The following DST variants were observed in gnomAD, a reference collection of about 807,000 sequenced individuals.
The protein encoded by DST is dystonin.
DST carries 253 observed loss-of-function variants against 875.2 expected under a neutral mutation model. That is an observed-to-expected ratio of 0.29 (90% CI 0.26 to 0.32). The LOEUF is 0.32. DST is among the 10% of genes least tolerant of loss of function. DST has a pLI of 1.00. For synonymous variants in DST, 3,124 were observed against 3,197.1 expected (o/e 0.98, Z 0.77); for missense variants, 8,287 against 9,111.6 (o/e 0.91, Z 3.68).
At chr6:56,887,737 A>G (rs527405850) in intron 3 of DST, among the ~76,000 whole-genome samples, 4 of 152,286 alleles carry the variant, frequency 2.6e-5, no homozygotes, top group African/African-American at 9.6e-5. Context: ...ACTGACCTCA[A>G]AAAAGAATCA....
chr6:56,881,101 G>A (rs991571020), intron 3 of DST, among the ~76,000 whole-genome samples: 3 of 151,562 alleles, frequency 2.0e-5, no homozygotes, highest in East Asian at 2.0e-4. Context: ...CACCCGCCTC[G>A]GTCTCCCGAA....
chr6:56,514,595 A>G (rs1407410554), intron 72 of DST, among the ~76,000 whole-genome samples: 2 of 126,686 alleles, frequency 1.6e-5, no homozygotes, highest in African/African-American at 5.6e-5. Context: ...ACACACACAC[A>G]CACACACACA....
rs776856701 is a variant in DST at position 56,482,762 on chromosome 6, T to C, written c.21323A>G (p.Gln7108Arg). Residue 7108 changes from glutamine to arginine, a missense_variant, in exon 89 of 104, where the codon CAG (glutamine) becomes CGG (arginine). Gln to Arg is a conservative substitution (Grantham distance 43). Around this residue, in one of 10 missense-constraint regions of DST, gnomAD observed 1,292 missense variants for 1,552.7 expected, o/e 0.83. Transcript: ENST00000680361. ...GGTCTCCCAGCGTGTGCTTAATTCCTGCATCTGGACCTTGACCCAGGAGGA... is the reference window on the plus strand; with the variant it reads ...GGTCTCCCAGCGTGTGCTTAATTCCCGCATCTGGACCTTGACCCAGGAGGA... Reference protein sequence around the residue: ...DDSSWVKVQMQELSTRWETVC... With the variant: ...DDSSWVKVQMRELSTRWETVC... 6.2e-7 allele frequency: 1 copy of C among 1,613,946 alleles called. No homozygotes were observed. The highest frequency in any genetic ancestry group is 1.7e-5 in the Admixed American group (1 of 60,016).
intron 5 of DST, among the ~76,000 whole-genome samples, chr6:56,709,426 CTGTT>C (rs1183916370): frequency 1.1e-4 from 16 of 152,274 alleles, no homozygotes; most frequent in Admixed American, 9.8e-4. Flanking sequence ...TAACCTATAA[CTGTT>C]TGGTTTTATA....
intron 4 of DST, among the ~76,000 whole-genome samples, chr6:56,764,151 G>A (rs1589840001): frequency 1.3e-5 from 2 of 149,650 alleles, no homozygotes; most frequent in South Asian, 4.2e-4. Context: ...GCCTCTGGAA[G>A]AGACATCAAC....
At chr6:56,782,881 A>T (rs1318638662) in intron 4 of DST, among the ~76,000 whole-genome samples, 1 of 151,768 alleles carries the variant, frequency 6.6e-6, no homozygotes, top group Admixed American at 6.6e-5. Context: ...ATTTCCCTCT[A>T]CACACTGCTT....
chr6:56,837,090 T>C (rs1303585948), intron 4 of DST, among the ~76,000 whole-genome samples: 2 of 152,112 alleles, frequency 1.3e-5, no homozygotes, highest in Non-Finnish European at 2.9e-5. Flanking sequence ...AAGGTATTAC[T>C]TAAAGCGCTC....
chr6:56,894,965 G>A (rs1790372602), intron 3 of DST, among the ~76,000 whole-genome samples: 1 of 100,320 alleles, frequency 1.0e-5, no homozygotes, highest in African/African-American at 5.4e-5. Context: ...GGACGGGGCG[G>A]CTGGCCAGGC....
intron 5 of DST, among the ~76,000 whole-genome samples, chr6:56,728,813 T>C (rs1320951081): frequency 1.3e-5 from 2 of 152,062 alleles, no homozygotes. Flanking sequence ...AAGACTGAAA[T>C]ACAGACATTA....
intron 4 of DST, among the ~76,000 whole-genome samples, chr6:56,744,494 C>A (rs1206145225): frequency 6.6e-6 from 1 of 151,934 alleles, no homozygotes; most frequent in Non-Finnish European, 1.5e-5. Context: ...TGTGGTACAA[C>A]ACAGTAAAAA....
chr6:56,480,160 T>C (rs992549667), intron 90 of DST, among the ~76,000 whole-genome samples: 1 of 152,238 alleles, frequency 6.6e-6, no homozygotes, highest in Non-Finnish European at 1.5e-5. Flanking sequence ...ACAAGTTTAC[T>C]ATAATGGAGT....
intron 67 of DST, among the ~76,000 whole-genome samples, chr6:56,528,473 T>C (rs950081868): frequency 1.3e-5 from 2 of 152,216 alleles, no homozygotes; most frequent in Non-Finnish European, 2.9e-5. Context: ...GTAGCCATAC[T>C]GTGTGTCACT....
At chr6:56,486,138 CG>C (rs1179015017) in intron 87 of DST, among the ~76,000 whole-genome samples, 1 of 151,798 alleles carries the variant, frequency 6.6e-6, no homozygotes, top group Non-Finnish European at 1.5e-5. Context: ...CCGAGGCGGG[CG>C]GATCACGAGG....
chr6:56,595,579 T>C (rs1472179161), intron 47 of DST, among the ~76,000 whole-genome samples: 1 of 152,112 alleles, frequency 6.6e-6, no homozygotes, highest in African/African-American at 2.4e-5. Context: ...TGAAAAGGAC[T>C]TCCTTAGAAG....
At chr6:56,755,997 C>T (rs1169971829) in intron 4 of DST, among the ~76,000 whole-genome samples, 1 of 152,164 alleles carries the variant, frequency 6.6e-6, no homozygotes, top group Non-Finnish European at 1.5e-5. Flanking sequence ...GACAGCAGAG[C>T]CATAGGGCTA....
Position 56,497,416 on chromosome 6 carries a change from A to G in DST, c.20186T>C (p.Leu6729Ser). The change falls in exon 82 of 104, where the codon TTA becomes TCA. Residue 6729 changes from leucine (L) to serine (S), a missense_variant. Around this residue, in one of 10 missense-constraint regions of DST, gnomAD observed 1,292 missense variants for 1,552.7 expected, o/e 0.83. Coordinates refer to ENST00000680361, the MANE Select transcript of DST (RefSeq NM_001374736.1). ...AAGCTGCTCCTTGGCTGTTTCCGGT[A>G]AACCTCCCAGCGGTTTAGATGCCAA... ...HLLASKPLGGLPETAKEQLNV... is the reference protein window; with the variant it reads ...HLLASKPLGGSPETAKEQLNV... 1.2e-6 allele frequency: 2 copies of G among 1,613,186 alleles called. No individual in the cohort carries two copies. The highest frequency in any genetic ancestry group is 2.2e-5 in the East Asian group (1 of 44,864).
intron 3 of DST, among the ~76,000 whole-genome samples, chr6:56,869,189 G>T (rs1279127924): frequency 6.6e-6 from 1 of 152,112 alleles, no homozygotes; most frequent in Non-Finnish European, 1.5e-5. Context: ...CAAAAACAAG[G>T]CAAGGGTTTC....
chr6:56,775,512 T>C (rs1304158884), intron 4 of DST, among the ~76,000 whole-genome samples: 1 of 152,154 alleles, frequency 6.6e-6, no homozygotes, highest in Non-Finnish European at 1.5e-5. Flanking sequence ...TGGCAAAACA[T>C]TTCAAAGGCC....
intron 44 of DST, among the ~76,000 whole-genome samples, chr6:56,600,850 A>G (rs922665098): frequency 2.0e-5 from 3 of 152,112 alleles, no homozygotes; most frequent in African/African-American, 7.2e-5. Flanking sequence ...TATTCATCTT[A>G]TAGCCATAGA....
Sources: gnomAD v4.1 joint callset for allele counts (sites outside exome capture counted in the v4.1 genomes callset) on GRCh38, gnomAD v4.1.1 for gene constraint, gnomAD v4.1.1 regional missense constraint, MANE v1.5 for transcripts, NCBI Gene and HGNC (gene_info 2026-07-23, HGNC 2026-07-21) for gene names.